TOR3A: variants seen among roughly 807,000 people sequenced by gnomAD.
TOR3A encodes the protein torsin-3A.
A neutral mutation model predicts 42.1 loss-of-function variants in TOR3A; 44 were observed. The ratio of observed to expected loss-of-function variants is 1.04; its 90% CI spans 0.82 to 1.34. The LOEUF is 1.34. Ranked by LOEUF, TOR3A falls within the 40% of genes most tolerant of loss-of-function variation. TOR3A has a pLI of 0.00. For synonymous variants in TOR3A, 227 were observed against 213.2 expected, an observed-to-expected ratio of 1.06 and a Z score of -0.57; for missense variants, 521 against 507.6, an observed-to-expected ratio of 1.03 and a Z score of -0.25.
intron 4 of TOR3A, among the ~76,000 whole-genome samples, chr1:179,092,277 G>C (rs1310760748): frequency 6.6e-6 from 1 of 152,206 alleles, no homozygotes; most frequent in African/African-American, 2.4e-5. Context: ...CAGGCTAAAT[G>C]AGCAAAGATG....
rs769611946 is a variant in TOR3A at position 179,095,082 on chromosome 1, G to A, written c.1058G>A (p.Ser353Asn). Residue 353 changes from serine (S) to asparagine (N), a missense_variant, in exon 6 of 6, where the codon AGC (serine) becomes AAC (asparagine). Ser to Asn is a conservative substitution (Grantham distance 46). Transcript: ENST00000367627. The stretch of plus-strand genomic sequence containing the variant: ...CTGTGTGCACGGGATGCCTTCCTGA[G>A]CCAGGAGCTCCTGTATAAAGAAGAG... The part of the protein sequence containing the change: ...VRLCARDAFL[S>N]QELLYKEETL... 1.9e-6 allele frequency: 3 copies of A among 1,614,198 alleles called. No homozygotes were observed. The South Asian group carries it at 3.3e-5, about 18-fold the overall frequency.
chr1:179,084,247 T>C (rs1652372872), intron 2 of TOR3A, among the ~76,000 whole-genome samples: 1 of 152,152 alleles, frequency 6.6e-6, no homozygotes, highest in Non-Finnish European at 1.5e-5. Context: ...TTTTTACTTA[T>C]TTATTTTGAG....
At chr1:179,091,099 A>C (rs1338431425) in intron 4 of TOR3A, among the ~76,000 whole-genome samples, 5 of 152,192 alleles carry the variant, frequency 3.3e-5, no homozygotes, top group African/African-American at 1.2e-4. Flanking sequence ...TCTGTTCTTT[A>C]GGAAAGATGT....
rs141200640 is a variant in TOR3A at position 179,089,960 on chromosome 1, G to A, written c.818+1871G>A. Among the ~76,000 whole-genome samples, 63 of 152,268 alleles carry A rather than the reference G, an allele frequency of 4.1e-4. 1 individual carries two copies. In the Middle Eastern group the frequency reaches 0.01, roughly 25 times the overall value. On this transcript the variant is annotated intron_variant, in intron 4 of 5. Transcript: ENST00000367627. The stretch of plus-strand genomic sequence containing the variant: ...CACCTGGGCCGTGATTGCCTAACGT[G>A]ACCCGGTGACCCTGCAGTCTCCAGG...
At chr1:179,090,154 A>C (rs1418485129) in intron 4 of TOR3A, among the ~76,000 whole-genome samples, 2 of 151,762 alleles carry the variant, frequency 1.3e-5, no homozygotes, top group African/African-American at 2.4e-5. Context: ...AGACTCCTCC[A>C]TGCCACAGCA....
chr1:179,085,141 T>C (rs1004529022), intron 2 of TOR3A, among the ~76,000 whole-genome samples: 20 of 152,096 alleles, frequency 1.3e-4, no homozygotes, highest in Admixed American at 1.3e-3. Flanking sequence ...AAAGTAGTCC[T>C]TGAGGCTGGG....
rs1180696691 is a variant in TOR3A, at chr1:179,082,244, C to A, written c.116C>A (p.Ala39Asp). The part of the protein sequence containing the change: ...PWEGTDEPGS[A>D]WAWPGFQRLQ... The stretch of plus-strand genomic sequence containing the variant: ...GAGGGAACCGACGAGCCGGGCTCGG[C>A]CTGGGCCTGGCCGGGCTTCCAGCGC... Residue 39 changes from alanine to aspartate, a missense_variant, in exon 1 of 6, where the codon GCC becomes GAC. Physicochemically the swap from Ala to Asp is moderately radical, Grantham distance 126. Transcript: ENST00000367627. 1 of 1,540,470 alleles carries A rather than the reference C, an allele frequency of 6.5e-7. No homozygotes were observed. The highest frequency in any genetic ancestry group is 8.7e-7 in the Non-Finnish European group (1 of 1,150,998).
chr1:179,094,962 T>C lies in TOR3A; in HGVS notation c.944-6T>C. ...AGACTCCATGTAACTTTGGTCTTGC[T>C]TTCAGACAATGGCTTTGGCCACAGC... is the stretch of plus-strand genomic sequence containing the variant. On this transcript the variant is annotated splice_polypyrimidine_tract_variant and splice_region_variant and intron_variant, in intron 5 of 5. Coordinates refer to ENST00000367627, the MANE Select transcript of TOR3A (RefSeq NM_022371.4). 1 of 1,614,152 alleles carries C rather than the reference T, an allele frequency of 6.2e-7. No individual in the cohort carries two copies. The highest frequency in any genetic ancestry group is 1.3e-5 in the African/African-American group (1 of 75,048).
At chr1:179,091,412 G>A (rs796160354) in intron 4 of TOR3A, among the ~76,000 whole-genome samples, 16 of 152,322 alleles carry the variant, frequency 1.1e-4, no homozygotes, top group African/African-American at 2.6e-4. Flanking sequence ...GGGGCGGCGC[G>A]TAGAGAGGGG....
chr1:179,086,963 T>C (rs1652453655), intron 3 of TOR3A, among the ~76,000 whole-genome samples: 1 of 152,218 alleles, frequency 6.6e-6, no homozygotes, highest in Non-Finnish European at 1.5e-5. Flanking sequence ...GCAGTTTCCA[T>C]ATGGCTTTGG....
At chr1:179,088,120 C>G (rs1373368655) in intron 4 of TOR3A, 31 bp downstream of exon 4, 1 of 1,525,266 alleles carries the variant, frequency 6.6e-7, no homozygotes, top group African/African-American at 1.4e-5. Context: ...GTCAGGAGGG[C>G]TGGGGGAGGG....
intron 4 of TOR3A, among the ~76,000 whole-genome samples, chr1:179,088,761 T>C (rs376382036): frequency 1.3e-5 from 2 of 152,216 alleles, no homozygotes; most frequent in East Asian, 3.8e-4. Context: ...CATCTTTGCG[T>C]GAAGCCAACT....
At chr1:179,085,966 G>C (rs1572573470) in intron 3 of TOR3A, 73 bp downstream of exon 3, 1 of 1,555,586 alleles carries the variant, frequency 6.4e-7, no homozygotes, top group East Asian at 2.3e-5. Context: ...TTCCTTGCAA[G>C]GAAATGGGCT....
chr1:179,085,464 G>A (rs1467582411), intron 2 of TOR3A, 164 bp from the exon 3 acceptor site: 14 of 779,480 alleles, frequency 1.8e-5, no homozygotes, highest in Non-Finnish European at 2.8e-5. Flanking sequence ...AATCCCTTCT[G>A]CTACAAAGTC....
chr1:179,095,389 A>C lies in TOR3A; in HGVS notation c.*171A>C. 6.8e-7 allele frequency: 1 copy of C among 1,465,692 alleles called. No homozygotes were observed. The highest frequency in any genetic ancestry group is 2.6e-5 in the Admixed American group (1 of 38,426). 90.8% of individuals were successfully genotyped at this position (1,465,692 alleles called of 1,614,324 possible). A position where few individuals can be genotyped will look rare whatever the true frequency, so the allele number is the denominator to read the frequency against. On this transcript the variant is annotated 3_prime_UTR_variant, in exon 6 of 6. Transcript: ENST00000367627. ...AAAGGCAGGCCTTACATTAGAAGCCAAGCCAATCCTTTTTCTTTTTTTTGG... is the reference window on the plus strand; with the variant it reads ...AAAGGCAGGCCTTACATTAGAAGCCCAGCCAATCCTTTTTCTTTTTTTTGG...
At chr1:179,094,500 T>C (rs1652680438) in intron 5 of TOR3A, among the ~76,000 whole-genome samples, 1 of 152,112 alleles carries the variant, frequency 6.6e-6, no homozygotes, top group Non-Finnish European at 1.5e-5. Context: ...AGACTTTACC[T>C]AAAGGAGACA....
chr1:179,087,547 A>C (rs1268504121), intron 3 of TOR3A, among the ~76,000 whole-genome samples: 3 of 152,176 alleles, frequency 2.0e-5, no homozygotes, highest in Admixed American at 6.5e-5. Flanking sequence ...GTGTGTGGAC[A>C]TTGTTAGCTC....
Position 179,084,919 on chromosome 1 carries a change from A to C in TOR3A, c.374-709A>C, listed in dbSNP as rs564489285. Among the ~76,000 whole-genome samples, 221 of 152,346 alleles carry C rather than the reference A, an allele frequency of 1.5e-3. 8 individuals carry two copies. The South Asian group carries it at 0.045, about 31-fold the overall frequency. Reference sequence around the variant, plus strand: ...TTGCACACTGGAGCTGCTCTCACCAAGTGTTGGCTGAATTGAATGAGAATG... The same window carrying C: ...TTGCACACTGGAGCTGCTCTCACCACGTGTTGGCTGAATTGAATGAGAATG... On this transcript the variant is annotated intron_variant, in intron 2 of 5. Transcript: ENST00000367627.
chr1:179,088,853 C>A (rs1652502384), intron 4 of TOR3A, among the ~76,000 whole-genome samples: 1 of 152,198 alleles, frequency 6.6e-6, no homozygotes, highest in Admixed American at 6.5e-5. Context: ...CAAGTTTGGG[C>A]CCTTGTTGAC....
Sources: allele counts gnomAD v4.1 joint callset (sites outside exome capture counted in the v4.1 genomes callset), GRCh38; gene constraint gnomAD v4.1.1; transcripts MANE v1.5; gene names NCBI Gene and HGNC (gene_info 2026-07-23, HGNC 2026-07-21).